The following NEMF variants were observed in gnomAD, a reference collection of about 807,000 sequenced individuals.
The protein encoded by NEMF is nuclear export mediator factor, also known as ribosome quality control complex subunit NEMF.
A neutral mutation model predicts 162.2 loss-of-function variants in NEMF; 89 were observed. The ratio of observed to expected loss-of-function variants is 0.55; its 90% confidence interval spans 0.46 to 0.65. The LOEUF (loss-of-function observed/expected upper bound fraction) is 0.65, where lower values mean the gene tolerates loss of function less well. Ranked by LOEUF, NEMF falls within the 30% of genes least tolerant of loss-of-function variation. The pLI is 0.00. For missense variants in NEMF, 1,133 were observed against 1,261.9 expected (o/e 0.90, Z 1.55); for synonymous variants, 421 against 404.5 (o/e 1.04, Z -0.49).
rs533870499 is a variant in NEMF at position 49,852,690 on chromosome 14, T to C, written c.59+5A>G. 14 of 1,614,152 alleles carry C rather than the reference T, an allele frequency of 8.7e-6. No homozygotes were observed. The South Asian group carries it at 8.8e-5, about 10-fold the overall frequency. ...ACACGAGCCTCGTCACTTAGGGTAC[T>C]GTACCTAGCATTCAGCTCCGCGAGT... On this transcript the variant is annotated splice_donor_5th_base_variant and intron_variant, in intron 1 of 32. Coordinates refer to ENST00000298310, the MANE Select transcript of NEMF (RefSeq NM_004713.6).
intron 5 of NEMF, 43 bp downstream of exon 5, chr14:49,840,674 AT>A: frequency 6.4e-7 from 1 of 1,567,658 alleles, no homozygotes; most frequent in Non-Finnish European, 8.7e-7. Flanking sequence ...TGCCCAGTAC[AT>A]TTTAATACAA....
intron 25 of NEMF, among the ~76,000 whole-genome samples, chr14:49,797,735 A>G (rs1479066292): frequency 6.6e-6 from 1 of 152,234 alleles, no homozygotes; most frequent in Non-Finnish European, 1.5e-5. Flanking sequence ...CCCTAGAACT[A>G]GTCTATGTAA....
intron 6 of NEMF, among the ~76,000 whole-genome samples, chr14:49,837,889 C>G (rs923314006): frequency 3.3e-5 from 5 of 149,868 alleles, no homozygotes; most frequent in African/African-American, 1.2e-4. Context: ...ATGAAAAAAT[C>G]TGATTTCTTA....
At chr14:49,789,953 TAGGCTAGGCAC>T (rs1388134076) in intron 26 of NEMF, among the ~76,000 whole-genome samples, 1 of 152,214 alleles carries the variant, frequency 6.6e-6, no homozygotes, top group African/African-American at 2.4e-5. Context: ...GCAGCAAAGC[TAGGCTAGGCAC>T]TTATTCTAGA....
intron 11 of NEMF, 148 bp downstream of exon 11, chr14:49,831,151 T>C: frequency 1.8e-6 from 1 of 555,112 alleles, no homozygotes. Context: ...ACCTTCTTCA[T>C]AAACCTTTAT....
At chr14:49,852,668 C>T (rs1286892813) in intron 1 of NEMF, 27 bp downstream of exon 1, 1 of 1,613,452 alleles carries the variant, frequency 6.2e-7, no homozygotes, top group Non-Finnish European at 8.5e-7. Context: ...ACTCCCCACA[C>T]GAGCCTCGTC....
chr14:49,791,154 G>A (rs1311189775), intron 26 of NEMF, among the ~76,000 whole-genome samples: 1 of 148,262 alleles, frequency 6.7e-6, no homozygotes, highest in Non-Finnish European at 1.5e-5. Context: ...GCCAACATAA[G>A]TGAAACCCCG....
intron 7 of NEMF, 70 bp downstream of exon 7, chr14:49,834,293 A>T: frequency 9.6e-7 from 1 of 1,039,250 alleles, no homozygotes. Context: ...CTCCCTTATT[A>T]CTTTCCCAGA....
chr14:49,838,746 G>A (rs573379392), intron 5 of NEMF, among the ~76,000 whole-genome samples: 6 of 151,862 alleles, frequency 4.0e-5, no homozygotes, highest in African/African-American at 7.2e-5. Context: ...CACCACGCCC[G>A]GCTAATATTT....
At chr14:49,803,385 G>T in intron 19 of NEMF, 91 bp from the exon 20 acceptor site, 1 of 821,496 alleles carries the variant, frequency 1.2e-6, no homozygotes, top group Non-Finnish European at 1.9e-6. Context: ...TCAGAGTCAA[G>T]TAAGCCACAC....
At chr14:49,811,866 A>G (rs1022837681) in intron 18 of NEMF, among the ~76,000 whole-genome samples, 1 of 152,112 alleles carries the variant, frequency 6.6e-6, no homozygotes, top group African/African-American at 2.4e-5. Flanking sequence ...ATTTTTGTCT[A>G]TATTTATAAC....
chr14:49,829,073 G>C lies in NEMF; in HGVS notation c.1213C>G (p.His405Asp). Residue 405 changes from histidine to aspartate, a missense_variant, in exon 13 of 33, where the codon CAT (histidine) becomes GAT (aspartate). Coordinates refer to ENST00000298310, the MANE Select transcript of NEMF (RefSeq NM_004713.6). The stretch of plus-strand genomic sequence containing the variant: ...ACTTACCTTAGCAGCATTGTAACAT[G>C]GTTTGTTTGTAGTTTTAATTCTTTG... The part of the protein sequence containing the change: ...AIKELKLQTN[H>D]VTMLLRNPYL... 1 of 1,614,024 alleles carries C rather than the reference G, an allele frequency of 6.2e-7. No homozygotes were observed. The highest frequency in any genetic ancestry group is 8.5e-7 in the Non-Finnish European group (1 of 1,179,900).
At position 49,785,004 on chromosome 14, in the gene NEMF, G is replaced by A. The variant is rs772970976; in HGVS notation, c.3074C>T (p.Ala1025Val). 1.2e-6 allele frequency: 2 copies of A among 1,613,198 alleles called. No homozygotes were observed. Residue 1025 changes from alanine to valine, a missense_variant and splice_region_variant, in exon 32 of 33, where the codon GCT becomes GTT. By Grantham distance (64) the Ala-to-Val change is moderately conservative. This residue lies in a region of NEMF where 532 missense variants were observed against 578.6 expected (regional missense o/e 0.92). Transcript: ENST00000298310. ...LTPGVQKKGK[A>V]AKTALNSFMH... Reference sequence around the variant, plus strand: ...GAAACTATTCAAGGCTGTTTTTGCAGCTGTAAATACAAAAAAGAGTAAGAA... The same window carrying A: ...GAAACTATTCAAGGCTGTTTTTGCAACTGTAAATACAAAAAAGAGTAAGAA...
intron 26 of NEMF, among the ~76,000 whole-genome samples, chr14:49,795,579 G>C (rs994431022): frequency 5.3e-5 from 8 of 152,164 alleles, no homozygotes; most frequent in Non-Finnish European, 1.0e-4. Flanking sequence ...TAAAATGAGA[G>C]CTTCTGTGCA....
intron 5 of NEMF, among the ~76,000 whole-genome samples, chr14:49,838,791 A>G (rs1212311983): frequency 6.6e-6 from 1 of 151,920 alleles, no homozygotes; most frequent in Non-Finnish European, 1.5e-5. Flanking sequence ...TCACCGTGTT[A>G]GCCAGGATGG....
intron 16 of NEMF, among the ~76,000 whole-genome samples, chr14:49,816,593 ACTCTTT>A (rs1344900014): frequency 5.3e-5 from 8 of 152,082 alleles, no homozygotes; most frequent in East Asian, 3.9e-4. Flanking sequence ...TCCTCTTTGT[ACTCTTT>A]CTCTTTATTT....
chr14:49,831,635 CTG>C (rs1411076679), intron 10 of NEMF, among the ~76,000 whole-genome samples: 1 of 152,098 alleles, frequency 6.6e-6, no homozygotes, highest in Non-Finnish European at 1.5e-5. Flanking sequence ...CAGGGTTTCA[CTG>C]TGTTGGCCAG....
At chr14:49,796,105 C>T (rs1287659214) in intron 25 of NEMF, 161 bp from the exon 26 acceptor site, 4 of 628,050 alleles carry the variant, frequency 6.4e-6, no homozygotes, top group Non-Finnish European at 8.5e-6. Context: ...TGCTTAAAAT[C>T]ATCATGTGGG....
At chr14:49,808,211 T>C (rs934634543) in intron 18 of NEMF, among the ~76,000 whole-genome samples, 4 of 152,140 alleles carry the variant, frequency 2.6e-5, no homozygotes, top group Admixed American at 2.0e-4. Context: ...TTTCGCTCAT[T>C]GCCCAGGCTG....
Sources: allele counts gnomAD v4.1 joint callset (sites outside exome capture counted in the v4.1 genomes callset), GRCh38; gene constraint gnomAD v4.1.1; regional missense constraint gnomAD v4.1.1; transcripts MANE v1.5; gene names NCBI Gene and HGNC (gene_info 2026-07-23, HGNC 2026-07-21).